Variants in ACAT2 observed in about 807,000 individuals in gnomAD.
The protein encoded by ACAT2 is acetyl-CoA acetyltransferase, cytosolic.
In ACAT2, 26 loss-of-function variants were observed where a neutral mutation model predicts 37.1. That is an observed-to-expected ratio of 0.70 (90% CI 0.51 to 0.97). The LOEUF (loss-of-function observed/expected upper bound fraction) is 0.97, where lower values mean the gene tolerates loss of function less well. Among genes scored for constraint, ACAT2 ranks in the 50% least tolerant of loss-of-function variants. The probability of loss-of-function intolerance (pLI) is 0.00; values close to 1 mark genes in which losing one functional copy is unlikely to be tolerated. For missense variants in ACAT2, 468 were observed against 489.0 expected (o/e 0.96, Z 0.40); for synonymous variants, 156 against 163.6 (o/e 0.95, Z 0.35).
Position 159,763,060 on chromosome 6 carries a change from C to G in ACAT2, c.190+7C>G. 1 of 1,607,226 alleles carries G rather than the reference C, an allele frequency of 6.2e-7. No individual in the cohort carries two copies. The highest frequency in any genetic ancestry group is 8.5e-7 in the Non-Finnish European group (1 of 1,177,188). On this transcript the variant is annotated splice_region_variant and intron_variant, in intron 2 of 8. Coordinates refer to ENST00000367048, the MANE Select transcript of ACAT2 (RefSeq NM_005891.3). ...GGACATGTCTTGGCAGCAGGTAAGT[C>G]TCAGTGATTCCAGGAGAAGTCAGGC...
chr6:159,762,621 C>G, intron 1 of ACAT2: 1 of 1,415,536 alleles, frequency 7.1e-7, no homozygotes, highest in Middle Eastern at 1.9e-4. Context: ...CCCGCCGGTT[C>G]CTTTTGTTTG....
At chr6:159,777,498 G>A (rs1400385475) in intron 7 of ACAT2, 42 bp downstream of exon 7, 4 of 1,581,084 alleles carry the variant, frequency 2.5e-6, no homozygotes, top group African/African-American at 1.4e-5. Context: ...TTGTCTTCCT[G>A]TTAGCCTTAA....
At chr6:159,772,006 A>G (rs915280667) in intron 4 of ACAT2, among the ~76,000 whole-genome samples, 4 of 152,140 alleles carry the variant, frequency 2.6e-5, no homozygotes, top group African/African-American at 9.7e-5. Flanking sequence ...CGGGCGGATC[A>G]TGAGGTCAGG....
chr6:159,776,097 CACTT>C, intron 5 of ACAT2, 49 bp from the exon 6 acceptor site: 4 of 1,590,692 alleles, frequency 2.5e-6, no homozygotes, highest in Non-Finnish European at 3.4e-6. Context: ...ATTCCCAGCA[CACTT>C]ACTTCTGTCT....
chr6:159,765,865 C>T (rs1440770613), intron 2 of ACAT2, among the ~76,000 whole-genome samples: 1 of 152,196 alleles, frequency 6.6e-6, no homozygotes, highest in Non-Finnish European at 1.5e-5. Flanking sequence ...TGAATATAAT[C>T]TCTAAGTTTT....
At chr6:159,770,950 A>T (rs1417725704) in intron 4 of ACAT2, among the ~76,000 whole-genome samples, 1 of 152,210 alleles carries the variant, frequency 6.6e-6, no homozygotes, top group Non-Finnish European at 1.5e-5. Flanking sequence ...CTGTAATCCC[A>T]ACTACTTGGG....
In ACAT2 at chr6:159,778,247, A is replaced by G. The variant is rs1780468809; in HGVS notation, c.990A>G (p.Ala330=). The stretch of plus-strand genomic sequence containing the variant: ...AAGCCTTTGCAGCTGTCTCTGCTGC[A>G]ATAGTTAAAGAACTTGGATTAAACC... The part of the protein sequence containing the change: ...INEAFAAVSA[A]IVKELGLNPE... Residue 330 remains alanine (A), a synonymous_variant, in exon 8 of 9, where the codon GCA becomes GCG. Transcript: ENST00000367048. The G allele has an allele frequency of 6.2e-7, 1 of 1,611,742 alleles. No individual in the cohort carries two copies. Among genetic ancestry groups the G allele is most frequent in the Admixed American group, 1.7e-5 (1 of 59,856 alleles).
chr6:159,763,187 G>A (rs1780186104), intron 2 of ACAT2, 134 bp downstream of exon 2: 1 of 1,234,730 alleles, frequency 8.1e-7, no homozygotes. Flanking sequence ...TTTGCTCAGA[G>A]TTCCCTCTGT....
chr6:159,777,737 A>G (rs564905748), intron 7 of ACAT2, among the ~76,000 whole-genome samples: 1 of 112,258 alleles, frequency 8.9e-6, no homozygotes, highest in East Asian at 2.0e-4. Flanking sequence ...TTTCGTAGAG[A>G]CAAGGTCTAT....
At chr6:159,773,018 AATTTTTTGT>A (rs1375056932) in intron 4 of ACAT2, among the ~76,000 whole-genome samples, 1 of 151,998 alleles carries the variant, frequency 6.6e-6, no homozygotes, top group Middle Eastern at 3.4e-3. Flanking sequence ...ATGCCTGGCT[AATTTTTTGT>A]ATTTTTTGTA....
intron 8 of ACAT2, 44 bp downstream of exon 8, chr6:159,778,324 A>C: frequency 5.1e-6 from 7 of 1,381,458 alleles, no homozygotes; most frequent in Non-Finnish European, 7.0e-6. Flanking sequence ...AGTGAATTTC[A>C]CAATCCAATT....
chr6:159,771,117 C>T (rs564891256), intron 4 of ACAT2, among the ~76,000 whole-genome samples: 1 of 151,202 alleles, frequency 6.6e-6, no homozygotes, highest in South Asian at 2.1e-4. Flanking sequence ...TGTGGTGGCT[C>T]ATGCCTGTAA....
At chr6:159,777,569 T>G in intron 7 of ACAT2, 113 bp downstream of exon 7, 1 of 1,248,224 alleles carries the variant, frequency 8.0e-7, no homozygotes, top group Non-Finnish European at 1.1e-6. Context: ...CCAAGAGCAT[T>G]TATTTCTATT....
intron 5 of ACAT2, chr6:159,775,898 G>A: frequency 2.6e-6 from 1 of 385,104 alleles, no homozygotes; most frequent in Non-Finnish European, 4.7e-6. Flanking sequence ...ACAGGTCCCT[G>A]GTAGCTACTT....
chr6:159,770,815 A>G (rs1156781836), intron 4 of ACAT2, among the ~76,000 whole-genome samples: 1 of 152,252 alleles, frequency 6.6e-6, no homozygotes, highest in African/African-American at 2.4e-5. Flanking sequence ...TTGTAATCCC[A>G]GCACTTTGGG....
chr6:159,775,139 T>TC (rs769728018), intron 4 of ACAT2, 31 bp from the exon 5 acceptor site: 9 of 1,611,230 alleles, frequency 5.6e-6, no homozygotes, highest in Non-Finnish European at 6.8e-6. Flanking sequence ...CATGAAAATG[T>TC]TAGTTTTTTG....
intron 5 of ACAT2, 104 bp from the exon 6 acceptor site, chr6:159,776,046 G>C: frequency 7.5e-7 from 1 of 1,333,944 alleles, no homozygotes; most frequent in South Asian, 1.4e-5. Context: ...AAACTTTTCT[G>C]CTAAATATGA....
intron 2 of ACAT2, 104 bp from the exon 3 acceptor site, chr6:159,766,901 T>A: frequency 7.1e-7 from 1 of 1,409,074 alleles, no homozygotes; most frequent in Non-Finnish European, 9.9e-7. Flanking sequence ...CTGTAGGCTT[T>A]CAGAAGTGGC....
rs771973633 is a variant in ACAT2, at chr6:159,762,092, A to G, written c.5A>G (p.Asn2Ser). 1.9e-5 allele frequency: 30 copies of G among 1,613,158 alleles called. No individual in the cohort carries two copies. In the Admixed American group the frequency reaches 5.0e-4, roughly 27 times the overall value. ...GACGGCGGCAGGAGAAGCAAGATGA[A>G]TGCAGGCTCAGATCCTGTGGTCATC... M[N>S]AGSDPVVIVS... Residue 2 changes from asparagine (N) to serine (S), a missense_variant, in exon 1 of 9, where the codon AAT becomes AGT. Physicochemically the swap from Asn to Ser is conservative, Grantham distance 46 (BLOSUM62 1). Coordinates refer to ENST00000367048, the MANE Select transcript of ACAT2 (RefSeq NM_005891.3).
Sources: allele counts gnomAD v4.1 joint callset (sites outside exome capture counted in the v4.1 genomes callset), GRCh38; gene constraint gnomAD v4.1.1; transcripts MANE v1.5; gene names NCBI Gene and HGNC (gene_info 2026-07-23, HGNC 2026-07-21).